Variants in GNPTAB observed in about 807,000 individuals in gnomAD.
The protein encoded by GNPTAB is N-acetylglucosamine-1-phosphotransferase subunits alpha/beta.
A neutral mutation model predicts 136.6 loss-of-function variants in GNPTAB; 92 were observed. The observed-to-expected ratio is 0.67, with a 90% CI of 0.57 to 0.80. GNPTAB has a LOEUF of 0.80. Ranked by LOEUF, GNPTAB falls within the 30% of genes least tolerant of loss-of-function variation. The pLI is 0.00. For missense variants in GNPTAB, 1,343 were observed against 1,501.8 expected (o/e 0.89, Z 1.75); for synonymous variants, 512 against 535.1 (o/e 0.96, Z 0.60).
chr12:101,778,899 C>G (rs1953297428), intron 7 of GNPTAB: 1 of 149,466 alleles, frequency 6.7e-6, no homozygotes, highest in Non-Finnish European at 1.5e-5. Context: ...GAGCAAGACT[C>G]TCTCCAAAAA....
chr12:101,789,262 T>C (rs1160651228), intron 3 of GNPTAB, among the ~76,000 whole-genome samples: 2 of 152,154 alleles, frequency 1.3e-5, no homozygotes, highest in Non-Finnish European at 2.9e-5. Context: ...TAGAGCACCA[T>C]ATTCATAAAA....
intron 19 of GNPTAB, among the ~76,000 whole-genome samples, chr12:101,752,267 T>C (rs187181326): frequency 6.6e-6 from 1 of 151,966 alleles, no homozygotes; most frequent in Non-Finnish European, 1.5e-5. Context: ...CTACTAAAAA[T>C]AACAAAAATT....
intron 18 of GNPTAB, among the ~76,000 whole-genome samples, chr12:101,755,745 A>G (rs181519134): frequency 3.3e-5 from 5 of 152,336 alleles, no homozygotes; most frequent in African/African-American, 1.2e-4. Flanking sequence ...AAATAAAACA[A>G]AACAACATAA....
chr12:101,787,806 G>A (rs1291833011), intron 4 of GNPTAB, among the ~76,000 whole-genome samples: 1 of 151,766 alleles, frequency 6.6e-6, no homozygotes, highest in Non-Finnish European at 1.5e-5. Context: ...CTAGCTACTC[G>A]GGAGGCTGAG....
At chr12:101,822,393 G>A (rs1330822512) in intron 1 of GNPTAB, among the ~76,000 whole-genome samples, 7 of 152,146 alleles carry the variant, frequency 4.6e-5, no homozygotes, top group Non-Finnish European at 7.4e-5. Context: ...CAACCTGGGC[G>A]ACAGCGAGAC....
intron 1 of GNPTAB, among the ~76,000 whole-genome samples, chr12:101,827,719 T>C (rs890117218): frequency 7.9e-5 from 12 of 152,140 alleles, no homozygotes; most frequent in African/African-American, 2.9e-4. Context: ...AATCCCAGCA[T>C]TTTGGGAGGC....
intron 13 of GNPTAB, 126 bp downstream of exon 13, chr12:101,764,076 A>G: frequency 8.1e-7 from 1 of 1,236,908 alleles, no homozygotes; most frequent in African/African-American, 1.5e-5. Flanking sequence ...GAAACCATGT[A>G]AGAAAAGCAT....
chr12:101,804,180 A>T (rs926824354), intron 1 of GNPTAB, among the ~76,000 whole-genome samples: 1 of 152,196 alleles, frequency 6.6e-6, no homozygotes, highest in Admixed American at 6.6e-5. Context: ...GCATCACTGC[A>T]CTACAGCCTG....
At chr12:101,752,139 T>C (rs1952828931) in intron 19 of GNPTAB, among the ~76,000 whole-genome samples, 1 of 152,056 alleles carries the variant, frequency 6.6e-6, no homozygotes, top group African/African-American at 2.4e-5. Flanking sequence ...GAATGAAAAT[T>C]AGGGCCGGAT....
chr12:101,752,251 C>G (rs182519757), intron 19 of GNPTAB, among the ~76,000 whole-genome samples: 3 of 152,114 alleles, frequency 2.0e-5, no homozygotes, highest in African/African-American at 4.8e-5. Context: ...TGGCAAAACC[C>G]TGTCTCTACT....
chr12:101,787,028 T>C (rs1234321211), intron 4 of GNPTAB, among the ~76,000 whole-genome samples: 2 of 152,248 alleles, frequency 1.3e-5, no homozygotes, highest in Admixed American at 1.3e-4. Flanking sequence ...AATATATACA[T>C]GTATGCTTGT....
chr12:101,767,816 C>T (rs1051793307), intron 11 of GNPTAB: 35 of 640,932 alleles, frequency 5.5e-5, no homozygotes, highest in African/African-American at 5.1e-4. Flanking sequence ...TGGGGTCTTA[C>T]TATGTTGCCC....
chr12:101,781,548 G>A (rs117080636), intron 5 of GNPTAB, among the ~76,000 whole-genome samples: 1,934 of 152,222 alleles, frequency 0.013, 17 homozygotes, highest in Non-Finnish European at 0.019. Flanking sequence ...AGCCGAGTGT[G>A]GTGGTGTGCA....
intron 7 of GNPTAB, among the ~76,000 whole-genome samples, chr12:101,777,809 C>T (rs55847668): frequency 0.098 from 14,964 of 152,262 alleles, 879 homozygotes; most frequent in Middle Eastern, 0.2. Context: ...CAAATGCTGA[C>T]ACTGCGTCTG....
intron 1 of GNPTAB, among the ~76,000 whole-genome samples, chr12:101,810,858 A>C (rs1272504851): frequency 6.6e-6 from 1 of 152,150 alleles, no homozygotes; most frequent in Non-Finnish European, 1.5e-5. Flanking sequence ...GTTGACAAGA[A>C]AGCCTGTCAC....
chr12:101,821,987 G>T (rs1478188826), intron 1 of GNPTAB, among the ~76,000 whole-genome samples: 1 of 152,144 alleles, frequency 6.6e-6, no homozygotes, highest in Admixed American at 6.5e-5. Context: ...AGATTCTTAG[G>T]ATCTATGGAA....
intron 1 of GNPTAB, among the ~76,000 whole-genome samples, chr12:101,809,166 T>G (rs1870093865): frequency 6.6e-6 from 1 of 152,096 alleles, no homozygotes; most frequent in Non-Finnish European, 1.5e-5. Flanking sequence ...ATACAGATGG[T>G]AAACAAGTAT....
chr12:101,764,932 G>A lies in GNPTAB; in HGVS notation c.1985C>T (p.Ala662Val), dbSNP rs142172397. 3.1e-6 allele frequency: 5 copies of A among 1,613,752 alleles called. No individual in the cohort carries two copies. Among genetic ancestry groups the A allele is most frequent in the Admixed American group, 1.7e-5 (1 of 59,986 alleles). ...LVSPITLLPE[A>V]EILFEDIPKE... is the part of the protein sequence containing the mutation. ...GGGAATATCCTCAAAAAGGATTTCCGCCTCTGGAAGAAGTGTTATGGGACT... is the reference window on the plus strand; with the variant it reads ...GGGAATATCCTCAAAAAGGATTTCCACCTCTGGAAGAAGTGTTATGGGACT... Residue 662 changes from alanine to valine, a missense_variant, in exon 13 of 21, where the codon GCG becomes GTG. By Grantham distance (64) the Ala-to-Val change is moderately conservative. Transcript: ENST00000299314.
chr12:101,794,918 T>C (rs1594241312), intron 2 of GNPTAB, among the ~76,000 whole-genome samples: 1 of 152,250 alleles, frequency 6.6e-6, no homozygotes, highest in East Asian at 1.9e-4. Context: ...AAATAATTAA[T>C]TAATTTTTAA....
Sources: gnomAD v4.1 joint callset for allele counts (sites outside exome capture counted in the v4.1 genomes callset) on GRCh38, gnomAD v4.1.1 for gene constraint, MANE v1.5 for transcripts, NCBI Gene and HGNC (gene_info 2026-07-23, HGNC 2026-07-21) for gene names.